Variants in SERINC4 observed in about 807,000 individuals in gnomAD.
SERINC4 encodes serine incorporator 4.
In SERINC4, 52 loss-of-function variants were observed where a neutral mutation model predicts 52.0. The observed-to-expected ratio is 1.00, with a 90% CI of 0.80 to 1.26. The LOEUF is 1.26. Ranked by LOEUF, SERINC4 falls within the 50% of genes most tolerant of loss-of-function variation. The probability of loss-of-function intolerance (pLI) is 0.00; values close to 1 mark genes in which losing one functional copy is unlikely to be tolerated. For synonymous variants in SERINC4, 264 were observed against 247.7 expected, an observed-to-expected ratio of 1.07 and a Z score of -0.62; for missense variants, 723 against 632.8, an observed-to-expected ratio of 1.14 and a Z score of -1.53.
rs1192453182 is a variant in SERINC4, at chr15:43,794,972, CAG to C, written c.*26_*27del. On this transcript the variant is annotated 3_prime_UTR_variant, in exon 12 of 12. Transcript: ENST00000319327. Reference sequence around the variant, plus strand: ...TGAGCCAACTCTAGGAGTACAATGTCAGGGGAACCCCAGTTTGTGAAAAGGAC... The same window carrying C: ...TGAGCCAACTCTAGGAGTACAATGTCGGGAACCCCAGTTTGTGAAAAGGAC... 6.4e-7 allele frequency: 1 copy of C among 1,571,420 alleles called. No homozygotes were observed. Among genetic ancestry groups the C allele is most frequent in the Non-Finnish European group, 8.7e-7 (1 of 1,153,264 alleles).
chr15:43,798,630 A>G, intron 3 of SERINC4, 126 bp from the exon 4 acceptor site: 1 of 726,774 alleles, frequency 1.4e-6, no homozygotes, highest in Non-Finnish European at 2.4e-6. Context: ...ACAACTAAGG[A>G]GGAACCAATC....
chr15:43,795,320 C>T, intron 11 of SERINC4, 68 bp downstream of exon 11: 1 of 1,600,846 alleles, frequency 6.2e-7, no homozygotes, highest in Non-Finnish European at 8.6e-7. Flanking sequence ...TCTGGAATGG[C>T]CTTGAATTGC....
rs1319375843 is a variant in SERINC4, at chr15:43,798,503, A to G, written c.460T>C (p.Phe154Leu). ...TSPRAQLHNSFWLLKLLFLLG... is the reference protein window; with the variant it reads ...TSPRAQLHNSLWLLKLLFLLG... ...AGGAACAGCAGCTTGAGGAGCCAGA[A>G]GCTGGTTAGGAGGGAGAAAGAAAAA... Residue 154 changes from phenylalanine to leucine, a missense_variant and splice_region_variant, in exon 4 of 12, where the codon TTC becomes CTC. Transcript: ENST00000319327. The G allele has an allele frequency of 1.2e-6, 2 of 1,612,352 alleles. No homozygotes were observed. The highest frequency in any genetic ancestry group is 3.3e-5 in the Admixed American group (2 of 60,012).
At chr15:43,796,595 A>C (rs1253289285) in intron 8 of SERINC4, 21 bp downstream of exon 8, 1 of 1,613,166 alleles carries the variant, frequency 6.2e-7, no homozygotes, top group East Asian at 2.2e-5. Context: ...TCATACCTCC[A>C]CCCTTGACAC....
rs755799554 is a variant in SERINC4, at chr15:43,799,461, C to G, written c.128G>C (p.Cys43Ser). The G allele has an allele frequency of 6.4e-7, 1 of 1,550,630 alleles. No individual in the cohort carries two copies. The highest frequency in any genetic ancestry group is 8.7e-7 in the Non-Finnish European group (1 of 1,147,032). The change falls in exon 2 of 12, where the codon TGT becomes TCT. Residue 43 changes from cysteine (C) to serine (S), a missense_variant. Physicochemically the swap from Cys to Ser is moderately radical, Grantham distance 112. Transcript: ENST00000319327. ...CCACCTAGAGTGGCAGCAGCTGGCACAAGGAGCAGGCCCACAGCAGCACAC... is the reference window on the plus strand; with the variant it reads ...CCACCTAGAGTGGCAGCAGCTGGCAGAAGGAGCAGGCCCACAGCAGCACAC... ...CQVCCCGPAP[C>S]ASCCHSRWPS...
At position 43,796,834 on chromosome 15, in the gene SERINC4, C is replaced by T; in HGVS notation, c.940+11G>A. 6.2e-7 allele frequency: 1 copy of T among 1,613,624 alleles called. No individual in the cohort carries two copies. Among genetic ancestry groups the T allele is most frequent in the Non-Finnish European group, 8.5e-7 (1 of 1,179,554 alleles). On this transcript the variant is annotated intron_variant, in intron 7 of 11. Transcript: ENST00000319327. Reference sequence around the variant, plus strand: ...GGTCTTAGCATGGAGAATCCAGGTCCTGTCCCTTACCTCTCTCTGGAGGAC... The same window carrying T: ...GGTCTTAGCATGGAGAATCCAGGTCTTGTCCCTTACCTCTCTCTGGAGGAC...
At chr15:43,799,818 C>A in intron 1 of SERINC4, 67 bp downstream of exon 1, 2 of 1,226,662 alleles carry the variant, frequency 1.6e-6, no homozygotes, top group South Asian at 1.3e-5. Flanking sequence ...AGAGGCCTGT[C>A]GTTTTTATTG....
Position 43,794,787 on chromosome 15 carries a change from G to T in SERINC4, c.*213C>A. On this transcript the variant is annotated 3_prime_UTR_variant, in exon 12 of 12. Transcript: ENST00000319327. Reference sequence around the variant, plus strand: ...ATTTGGGTGTTAGGCTCTTGAGCTGGGATGCAGATGTAACAGTAGCTCCAG... The same window carrying T: ...ATTTGGGTGTTAGGCTCTTGAGCTGTGATGCAGATGTAACAGTAGCTCCAG... The T allele has an allele frequency of 3.8e-6, 2 of 527,536 alleles. No individual in the cohort carries two copies. Among genetic ancestry groups the T allele is most frequent in the Admixed American group, 3.2e-5 (1 of 31,674 alleles). The allele number at this position is 527,536 out of a possible 1,614,324, so 32.7% of individuals were successfully genotyped here.
rs1288093253 is a variant in SERINC4, at chr15:43,795,503, T to C, written c.1228A>G (p.Thr410Ala). 1 of 1,613,594 alleles carries C rather than the reference T, an allele frequency of 6.2e-7. No homozygotes were observed. The highest frequency in any genetic ancestry group is 8.5e-7 in the Non-Finnish European group (1 of 1,179,872). Reference protein sequence around the residue: ...GGAARPADQETPPAPPVQVQH... With the variant: ...GGAARPADQEAPPAPPVQVQH... ...ACTTGGACTGGAGGAGCTGGAGGGG[T>C]TTCTTGGTCAGCTGGCCTCGCAGCC... The change falls in exon 11 of 12, where the codon ACC becomes GCC. Residue 410 changes from threonine to alanine, a missense_variant. By Grantham distance (58) the Thr-to-Ala change is moderately conservative. Transcript: ENST00000319327.
intron 1 of SERINC4, 114 bp from the exon 2 acceptor site, chr15:43,799,600 C>T: frequency 7.7e-7 from 1 of 1,301,342 alleles, no homozygotes; most frequent in Non-Finnish European, 1.1e-6. Flanking sequence ...TCCCCTTCCC[C>T]TTTCTTCCTT....
chr15:43,798,837 G>C, intron 3 of SERINC4, 122 bp downstream of exon 3: 1 of 988,378 alleles, frequency 1.0e-6, no homozygotes, highest in African/African-American at 1.6e-5. Context: ...ACGAGAAGCA[G>C]GGACTTAAAC....
Position 43,800,038 on chromosome 15 carries a change from C to A in SERINC4, c.-52G>T. ...CCACCAGATGGAAGGCAGATGAGAGCAGCAGTTGCTTCTGTCCTCAGCCCA... is the reference window on the plus strand; with the variant it reads ...CCACCAGATGGAAGGCAGATGAGAGAAGCAGTTGCTTCTGTCCTCAGCCCA... On this transcript the variant is annotated 5_prime_UTR_variant, in exon 1 of 12. Coordinates refer to ENST00000319327, the MANE Select transcript of SERINC4 (RefSeq NM_001258031.2). 1 of 1,337,616 alleles carries A rather than the reference C, an allele frequency of 7.5e-7. No homozygotes were observed. The highest frequency in any genetic ancestry group is 1.0e-6 in the Non-Finnish European group (1 of 995,000). 82.9% of individuals were successfully genotyped at this position (1,337,616 alleles called of 1,614,324 possible). A position where few individuals can be genotyped will look rare whatever the true frequency, so the allele number is the denominator to read the frequency against.
intron 5 of SERINC4, 90 bp downstream of exon 5, chr15:43,797,830 G>C (rs1402635899): frequency 2.3e-6 from 2 of 859,438 alleles, no homozygotes; most frequent in South Asian, 2.9e-5. Context: ...TGTGGGACCA[G>C]TGCTCTGCCG....
In SERINC4 at chr15:43,796,701, G is replaced by C; in HGVS notation, c.982C>G (p.Leu328Val). ...GQNHTLCLPGLSKMEPQTPDI... is the reference protein window; with the variant it reads ...GQNHTLCLPGVSKMEPQTPDI... ...GGTGTTTGGGGTTCCATTTTACTCA[G>C]GCCAGGCAGGCACAGGGTGTGATTC... is the stretch of plus-strand genomic sequence containing the variant. Residue 328 changes from leucine (L) to valine (V), a missense_variant, in exon 8 of 12, where the codon CTG becomes GTG. By Grantham distance (32) the Leu-to-Val change is conservative. Transcript: ENST00000319327. 1.2e-6 allele frequency: 2 copies of C among 1,614,106 alleles called. No homozygotes were observed. Among genetic ancestry groups the C allele is most frequent in the Non-Finnish European group, 1.7e-6 (2 of 1,180,004 alleles).
chr15:43,796,260 G>A (rs778283347), intron 8 of SERINC4, 33 bp from the exon 9 acceptor site: 2 of 1,536,910 alleles, frequency 1.3e-6, no homozygotes, highest in Non-Finnish European at 1.8e-6. Flanking sequence ...AGCTGGTTTA[G>A]TTAAATAGGG....
intron 8 of SERINC4, 88 bp downstream of exon 8, chr15:43,796,528 A>G: frequency 7.0e-7 from 1 of 1,431,710 alleles, no homozygotes; most frequent in East Asian, 2.3e-5. Flanking sequence ...TCTAAACTTT[A>G]AATAATGGTC....
chr15:43,798,612 C>A, intron 3 of SERINC4, 108 bp from the exon 4 acceptor site: 1 of 803,230 alleles, frequency 1.2e-6, no homozygotes, highest in Non-Finnish European at 2.1e-6. Context: ...GGAAAGAGGA[C>A]AGACGAGACA....
intron 10 of SERINC4, 29 bp from the exon 11 acceptor site, chr15:43,795,570 A>C (rs780033413): frequency 1.2e-6 from 2 of 1,613,690 alleles, no homozygotes; most frequent in African/African-American, 2.7e-5. Context: ...TGCTGGGAGC[A>C]GAGCTGCTGA....
Position 43,796,639 on chromosome 15 carries a change from C to T in SERINC4, c.1044G>A (p.Met348Ile), listed in dbSNP as rs753556308. 6.2e-7 allele frequency: 1 copy of T among 1,614,124 alleles called. No homozygotes were observed. Among genetic ancestry groups the T allele is most frequent in the Non-Finnish European group, 8.5e-7 (1 of 1,180,004 alleles). Residue 348 changes from methionine (M) to isoleucine (I), a missense_variant, in exon 8 of 12, where the codon ATG becomes ATA. Coordinates refer to ENST00000319327, the MANE Select transcript of SERINC4 (RefSeq NM_001258031.2). ...ACCAAGCAAAAAGCACACAAGCATA[C>T]ATGATGCTAGCACTCAGCATTGCTA... The part of the protein sequence containing the change: ...ISLAMLSASI[M>I]YACVLFACNE...
Sources: allele counts gnomAD v4.1 joint callset, GRCh38; gene constraint gnomAD v4.1.1; transcripts MANE v1.5; gene names NCBI Gene and HGNC (gene_info 2026-07-23, HGNC 2026-07-21).